Variants in PICALM observed in about 807,000 individuals in gnomAD.
PICALM encodes phosphatidylinositol-binding clathrin assembly protein.
Under a neutral mutation model 80.5 loss-of-function variants are expected in PICALM, and 40 were observed. The observed-to-expected ratio is 0.50, with a 90% CI of 0.39 to 0.65. The LOEUF is 0.65. Among genes scored for constraint, PICALM ranks in the 30% least tolerant of loss-of-function variants. The pLI, the probability that PICALM is intolerant of heterozygous loss-of-function variation, is 0.00. For missense variants in PICALM, 676 were observed against 778.9 expected (o/e 0.87, Z 1.57); for synonymous variants, 288 against 260.3 (o/e 1.11, Z -1.02).
At chr11:86,042,456 A>G (rs1434928291) in intron 1 of PICALM, among the ~76,000 whole-genome samples, 1 of 152,166 alleles carries the variant, frequency 6.6e-6, no homozygotes, top group African/African-American at 2.4e-5. Flanking sequence ...TCCAACATGA[A>G]AAAATAACAT....
chr11:86,066,147 C>G (rs2096444706), intron 1 of PICALM, among the ~76,000 whole-genome samples: 1 of 152,194 alleles, frequency 6.6e-6, no homozygotes, highest in Non-Finnish European at 1.5e-5. Flanking sequence ...ACACCATGAA[C>G]TGTCCGTAGA....
rs1455391094 is a variant in PICALM, at chr11:85,958,448, A to G, written c.*598T>C. On this transcript the variant is annotated 3_prime_UTR_variant, in exon 20 of 20. Coordinates refer to ENST00000393346, the MANE Select transcript of PICALM (RefSeq NM_007166.4). ...ACTGTGCACATCCATACTCATTTTC[A>G]TAAGGAGGTCTGATACAATATTAAT... 3 of 210,762 alleles carry G rather than the reference A, an allele frequency of 1.4e-5. No homozygotes were observed. Among genetic ancestry groups the G allele is most frequent in the Non-Finnish European group, 2.9e-5 (3 of 103,724 alleles). 13.1% of individuals were successfully genotyped at this position (210,762 alleles called of 1,614,324 possible).
In PICALM at chr11:85,962,941, A is replaced by G. The variant is rs141284583; in HGVS notation, c.1945-3881T>C. 7.2e-4 allele frequency among the ~76,000 whole-genome samples: 110 copies of G among 152,326 alleles called. 1 individual carries two copies. Among genetic ancestry groups the G allele is most frequent in the African/African-American group, 2.6e-3 (108 of 41,576 alleles). On this transcript the variant is annotated intron_variant, in intron 19 of 19. Coordinates refer to ENST00000393346, the MANE Select transcript of PICALM (RefSeq NM_007166.4). ...ACTGGTGAGAAAGTAGTCACCCCAG[A>G]GAGTAAATAAGAGAAGGAAAGGAAA...
chr11:86,025,221 G>A (rs976504859), intron 3 of PICALM, among the ~76,000 whole-genome samples: 2 of 152,146 alleles, frequency 1.3e-5, no homozygotes, highest in African/African-American at 4.8e-5. Context: ...CCAACATGGT[G>A]AAACCCCATC....
intron 1 of PICALM, among the ~76,000 whole-genome samples, chr11:86,065,109 G>GT (rs1224222927): frequency 9.2e-5 from 14 of 151,898 alleles, no homozygotes; most frequent in African/African-American, 3.1e-4. Context: ...ACTAAAGATT[G>GT]TAAGATCAGA....
At chr11:86,035,908 AC>A (rs1287391001) in intron 1 of PICALM, among the ~76,000 whole-genome samples, 2 of 147,334 alleles carry the variant, frequency 1.4e-5, no homozygotes, top group African/African-American at 2.5e-5. Context: ...AGATCATGCC[AC>A]TGCACTCCAG....
chr11:85,990,649 T>G (rs1001650004), intron 12 of PICALM, among the ~76,000 whole-genome samples: 1 of 152,108 alleles, frequency 6.6e-6, no homozygotes, highest in African/African-American at 2.4e-5. Context: ...AGTCAGGTAG[T>G]TAAAAAATGG....
At chr11:85,986,184 T>C (rs1199350027) in intron 13 of PICALM, among the ~76,000 whole-genome samples, 3 of 152,110 alleles carry the variant, frequency 2.0e-5, no homozygotes, top group African/African-American at 7.2e-5. Context: ...TATTAATATT[T>C]GCTTAAAGTC....
At chr11:86,047,887 G>A (rs1226428343) in intron 1 of PICALM, among the ~76,000 whole-genome samples, 1 of 151,860 alleles carries the variant, frequency 6.6e-6, no homozygotes, top group Non-Finnish European at 1.5e-5. Flanking sequence ...ATCACCTGAG[G>A]TCAGGAGTTT....
chr11:86,035,853 C>G (rs1411460549), intron 1 of PICALM, among the ~76,000 whole-genome samples: 2 of 148,378 alleles, frequency 1.3e-5, no homozygotes, highest in African/African-American at 2.5e-5. Flanking sequence ...GAGGCTGAGG[C>G]AGCAGAATTG....
chr11:86,054,705 T>C (rs1315832319), intron 1 of PICALM, among the ~76,000 whole-genome samples: 1 of 152,244 alleles, frequency 6.6e-6, no homozygotes, highest in Admixed American at 6.5e-5. Context: ...TAATGTATTA[T>C]AATCAATTAT....
At position 86,060,954 on chromosome 11, in the gene PICALM, T is replaced by C. The variant is rs150258839; in HGVS notation, c.130+7697A>G. On this transcript the variant is annotated intron_variant, in intron 1 of 19. Transcript: ENST00000393346. ...ACTGCTAAACTGGACTTCATTAAGA[T>C]TAAAATTTTCTGCTCTGTGAAAGGC... Among the ~76,000 whole-genome samples, 266 of 152,318 alleles carry C rather than the reference T, an allele frequency of 1.7e-3. 1 individual carries two copies. Among genetic ancestry groups the C allele is most frequent in the Non-Finnish European group, 2.7e-3 (182 of 68,018 alleles).
At chr11:86,027,613 A>T (rs1030586460) in intron 2 of PICALM, among the ~76,000 whole-genome samples, 2 of 151,384 alleles carry the variant, frequency 1.3e-5, no homozygotes, top group African/African-American at 4.9e-5. Flanking sequence ...TCTCAGTATG[A>T]AGCACCACCC....
At chr11:86,047,433 T>C (rs1158738423) in intron 1 of PICALM, among the ~76,000 whole-genome samples, 1 of 152,228 alleles carries the variant, frequency 6.6e-6, no homozygotes, top group Non-Finnish European at 1.5e-5. Context: ...GTTCTGGGCA[T>C]TGCCCATTTC....
intron 4 of PICALM, among the ~76,000 whole-genome samples, chr11:86,020,467 G>A (rs540569487): frequency 6.1e-5 from 9 of 148,114 alleles, no homozygotes; most frequent in South Asian, 2.1e-4. Context: ...AGACTCACAC[G>A]TTCTAATTTT....
intron 8 of PICALM, among the ~76,000 whole-genome samples, chr11:86,007,157 T>C (rs2095295582): frequency 6.6e-6 from 1 of 152,188 alleles, no homozygotes; most frequent in Admixed American, 6.5e-5. Flanking sequence ...ACAGTCAAAG[T>C]GGAAGTTTAA....
chr11:85,965,521 C>G (rs963891891), intron 19 of PICALM, among the ~76,000 whole-genome samples: 3 of 152,102 alleles, frequency 2.0e-5, no homozygotes, highest in Admixed American at 1.3e-4. Flanking sequence ...ATTAGTGGTA[C>G]GTTGAATCCA....
chr11:86,059,981 C>A (rs1304708079), intron 1 of PICALM, among the ~76,000 whole-genome samples: 1 of 151,934 alleles, frequency 6.6e-6, no homozygotes, highest in Non-Finnish European at 1.5e-5. Flanking sequence ...TTTGCCCCAG[C>A]AGTTTCCTTT....
At chr11:85,971,928 A>G (rs1347063670) in intron 19 of PICALM, among the ~76,000 whole-genome samples, 1 of 151,900 alleles carries the variant, frequency 6.6e-6, no homozygotes, top group Non-Finnish European at 1.5e-5. Context: ...GATTCCAGAC[A>G]TGCACCACCA....
Sources: gnomAD v4.1 joint callset for allele counts (sites outside exome capture counted in the v4.1 genomes callset) on GRCh38, gnomAD v4.1.1 for gene constraint, MANE v1.5 for transcripts, NCBI Gene and HGNC (gene_info 2026-07-23, HGNC 2026-07-21) for gene names.